Variants in BMERB1 observed in about 807,000 individuals in gnomAD.
BMERB1 encodes the protein bMERB domain containing 1, also known as bMERB domain-containing protein 1.
Under a neutral mutation model 23.6 loss-of-function variants are expected in BMERB1, and 12 were observed. The ratio of observed to expected loss-of-function variants is 0.51; its 90% CI spans 0.33 to 0.82. The LOEUF (loss-of-function observed/expected upper bound fraction) is 0.82, where lower values mean the gene tolerates loss of function less well. Among genes scored for constraint, BMERB1 ranks in the 40% least tolerant of loss-of-function variants. BMERB1 has a pLI of 0.03. For missense variants in BMERB1, 247 were observed against 255.4 expected, an observed-to-expected ratio of 0.97 and a Z score of 0.22; for synonymous variants, 122 against 96.6, an observed-to-expected ratio of 1.26 and a Z score of -1.54.
chr16:15,574,924 C>T (rs1017235322), intron 3 of BMERB1, among the ~76,000 whole-genome samples: 5 of 152,030 alleles, frequency 3.3e-5, no homozygotes, highest in Admixed American at 2.0e-4. Flanking sequence ...ACTAAAATTA[C>T]AAAAATTAGC....
intron 2 of BMERB1, among the ~76,000 whole-genome samples, chr16:15,526,675 A>C (rs1275973779): frequency 1.3e-5 from 2 of 150,588 alleles, no homozygotes; most frequent in South Asian, 2.1e-4. Flanking sequence ...AAAAAAAAAA[A>C]AAAAAAAAAC....
intron 2 of BMERB1, among the ~76,000 whole-genome samples, chr16:15,565,881 C>T (rs763473842): frequency 1.1e-4 from 16 of 152,120 alleles, no homozygotes; most frequent in African/African-American, 2.4e-4. Flanking sequence ...GACAAAGACA[C>T]GCAGAGTGAA....
At chr16:15,554,673 T>C (rs1247548459) in intron 2 of BMERB1, among the ~76,000 whole-genome samples, 2 of 149,150 alleles carry the variant, frequency 1.3e-5, no homozygotes, top group African/African-American at 4.9e-5. Flanking sequence ...CTTTTTTTTT[T>C]CTTTTTTTTT....
intron 2 of BMERB1, among the ~76,000 whole-genome samples, chr16:15,539,676 T>G (rs1190712487): frequency 6.6e-6 from 1 of 151,500 alleles, no homozygotes; most frequent in African/African-American, 2.4e-5. Context: ...AACCCAGCCT[T>G]TACTAAAAAT....
chr16:15,483,585 G>C (rs937497393), intron 1 of BMERB1, among the ~76,000 whole-genome samples: 2 of 151,994 alleles, frequency 1.3e-5, no homozygotes, highest in African/African-American at 4.8e-5. Context: ...TCCCCATGTT[G>C]GCCAGGCTGG....
In BMERB1 at chr16:15,586,859, G is replaced by A. The variant is rs2031159292; in HGVS notation, c.*30G>A. ...CACGTGGGGTGCCCTGGGCCATGGGGACCCCCCCCCACCCTCTTGTCTTTA... is the reference window on the plus strand; with the variant it reads ...CACGTGGGGTGCCCTGGGCCATGGGAACCCCCCCCCACCCTCTTGTCTTTA... On this transcript the variant is annotated 3_prime_UTR_variant, in exon 6 of 6. Coordinates refer to ENST00000300006, the MANE Select transcript of BMERB1 (RefSeq NM_033201.3). 7.2e-7 allele frequency: 1 copy of A among 1,388,632 alleles called. No individual in the cohort carries two copies. The highest frequency in any genetic ancestry group is 9.9e-7 in the Non-Finnish European group (1 of 1,013,388). The allele number at this position is 1,388,632 out of a possible 1,614,324, so 86.0% of individuals were successfully genotyped here.
Position 15,588,123 on chromosome 16 carries a change from GTCT to G in BMERB1, c.*1296_*1298del, listed in dbSNP as rs768882994. ...TCTGATGTTTCGACGTTTTAAAAAA[GTCT>G]TTTTTTGTGCATTTTTTCATCGTTG... is the stretch of plus-strand genomic sequence containing the variant. On this transcript the variant is annotated 3_prime_UTR_variant, in exon 6 of 6. Transcript: ENST00000300006. The G allele has an allele frequency of 6.6e-6, 1 of 151,346 alleles. No individual in the cohort carries two copies. Among genetic ancestry groups the G allele is most frequent in the African/African-American group, 2.4e-5 (1 of 41,146 alleles). 9.4% of individuals were successfully genotyped at this position (151,346 alleles called of 1,614,324 possible). A position where few individuals can be genotyped will look rare whatever the true frequency, so the allele number is the denominator to read the frequency against.
intron 3 of BMERB1, among the ~76,000 whole-genome samples, chr16:15,579,745 G>C (rs1428024198): frequency 6.6e-6 from 1 of 151,826 alleles, no homozygotes; most frequent in Non-Finnish European, 1.5e-5. Flanking sequence ...ATTTTCTTCT[G>C]ATAAATTGGT....
At chr16:15,583,761 C>A (rs973502778) in intron 5 of BMERB1, among the ~76,000 whole-genome samples, 1 of 152,018 alleles carries the variant, frequency 6.6e-6, no homozygotes, top group African/African-American at 2.4e-5. Flanking sequence ...GCCTCATGGG[C>A]CTGTAGGCAG....
chr16:15,578,399 G>T (rs2030925711), intron 3 of BMERB1, among the ~76,000 whole-genome samples: 1 of 152,004 alleles, frequency 6.6e-6, no homozygotes, highest in Non-Finnish European at 1.5e-5. Flanking sequence ...AAGTCATTGG[G>T]TTTAGGGTCC....
intron 1 of BMERB1, among the ~76,000 whole-genome samples, chr16:15,496,632 G>A (rs894618270): frequency 7.9e-5 from 12 of 151,612 alleles, no homozygotes; most frequent in East Asian, 3.9e-4. Context: ...TCCGCCTCCC[G>A]GGTTCACGCC....
intron 1 of BMERB1, among the ~76,000 whole-genome samples, chr16:15,501,343 A>G (rs2051528175): frequency 7.8e-6 from 1 of 127,670 alleles, no homozygotes. Context: ...CCCAGGCTGG[A>G]GTGCAGTGAC....
chr16:15,541,897 C>A (rs954192831), intron 2 of BMERB1, among the ~76,000 whole-genome samples: 2 of 143,064 alleles, frequency 1.4e-5, no homozygotes, highest in Non-Finnish European at 3.0e-5. Context: ...CCACCATACC[C>A]GGCCTAAATT....
In BMERB1 at chr16:15,587,800, C is replaced by G; in HGVS notation, c.*971C>G. The G allele has an allele frequency of 3.7e-6, 1 of 268,788 alleles. No homozygotes were observed. The highest frequency in any genetic ancestry group is 3.0e-5 in the South Asian group (1 of 32,928). The allele number at this position is 268,788 out of a possible 1,614,324, so 16.7% of individuals were successfully genotyped here. On this transcript the variant is annotated 3_prime_UTR_variant, in exon 6 of 6. Transcript: ENST00000300006. ...TTAACTAGCTGCCAAACAACTTCAA[C>G]CCGTGTAATTCATGTACATTTGCAA...
chr16:15,508,729 A>G (rs1171899841), intron 1 of BMERB1, among the ~76,000 whole-genome samples: 2 of 150,354 alleles, frequency 1.3e-5, no homozygotes, highest in Non-Finnish European at 3.0e-5. Context: ...GGGAGGCTGA[A>G]GTGAGAGGAT....
chr16:15,577,084 G>A (rs916192282), intron 3 of BMERB1: 2 of 152,152 alleles, frequency 1.3e-5, no homozygotes, highest in Non-Finnish European at 2.9e-5. Context: ...TCATGCAAAT[G>A]AACTTTCCAC....
chr16:15,516,396 G>C (rs2051755972), intron 2 of BMERB1, among the ~76,000 whole-genome samples: 1 of 151,796 alleles, frequency 6.6e-6, no homozygotes, highest in Non-Finnish European at 1.5e-5. Flanking sequence ...CTCCAACCTG[G>C]GAGACACAGT....
intron 1 of BMERB1, among the ~76,000 whole-genome samples, chr16:15,488,506 T>G (rs1017055697): frequency 6.6e-6 from 1 of 152,198 alleles, no homozygotes; most frequent in South Asian, 2.1e-4. Context: ...GACCCCCTGC[T>G]GCTTCTCATC....
chr16:15,520,601 A>G lies in BMERB1; in HGVS notation c.230+5173A>G, dbSNP rs561292920. On this transcript the variant is annotated intron_variant, in intron 2 of 5. Transcript: ENST00000300006. ...CGGGTTCACGCCATTCTCCTGCCTC[A>G]GCCTCCCGAGTAGCTGGGACTACAG... is the stretch of plus-strand genomic sequence containing the variant. Among the ~76,000 whole-genome samples, 792 of 150,262 alleles carry G rather than the reference A, an allele frequency of 5.3e-3. 2 individuals carry two copies. Among genetic ancestry groups the G allele is most frequent in the African/African-American group, 0.018 (742 of 40,754 alleles).
Sources: gnomAD v4.1 joint callset for allele counts (sites outside exome capture counted in the v4.1 genomes callset) on GRCh38, gnomAD v4.1.1 for gene constraint, MANE v1.5 for transcripts, NCBI Gene and HGNC (gene_info 2026-07-23, HGNC 2026-07-21) for gene names.